SLC25A21: variants seen among roughly 807,000 people sequenced by gnomAD.
SLC25A21 encodes solute carrier family 25 member 21, also known as mitochondrial 2-oxodicarboxylate carrier.
SLC25A21 carries 47 observed loss-of-function variants against 43.8 expected under a neutral mutation model. The ratio of observed to expected loss-of-function variants is 1.07; its 90% CI spans 0.85 to 1.37. The LOEUF is 1.37. SLC25A21 is among the 40% of genes most tolerant of loss of function. The pLI is 0.00. For missense variants in SLC25A21, 352 were observed against 350.2 expected (o/e 1.00, Z -0.04); for synonymous variants, 131 against 121.3 (o/e 1.08, Z -0.52).
chr14:36,848,921 C>T (rs1393000188), intron 2 of SLC25A21, among the ~76,000 whole-genome samples: 1 of 152,106 alleles, frequency 6.6e-6, no homozygotes, highest in African/African-American at 2.4e-5. Flanking sequence ...GTTTTTGCAA[C>T]CTGATAAAAT....
chr14:37,170,359 T>C (rs1432916753), intron 1 of SLC25A21, among the ~76,000 whole-genome samples: 1 of 152,152 alleles, frequency 6.6e-6, no homozygotes, highest in African/African-American at 2.4e-5. Context: ...TTAACATTCT[T>C]TGAGTTTAGC....
Position 36,678,573 on chromosome 14 carries a change from G to A in SLC25A21, c.*2085C>T. On this transcript the variant is annotated 3_prime_UTR_variant, in exon 10 of 10. Coordinates refer to ENST00000331299, the MANE Select transcript of SLC25A21 (RefSeq NM_030631.4). ...CTTCTTTAAAACCATACCATACAGG[G>A]ACTCTCCTGTCATCTGAAAAACTGA... The A allele has an allele frequency of 6.5e-7, 1 of 1,529,298 alleles. No individual in the cohort carries two copies. 94.7% of individuals were successfully genotyped at this position (1,529,298 alleles called of 1,614,324 possible). A position where few individuals can be genotyped will look rare whatever the true frequency, so the allele number is the denominator to read the frequency against.
At chr14:36,865,629 T>C (rs1451177517) in intron 2 of SLC25A21, among the ~76,000 whole-genome samples, 2 of 152,182 alleles carry the variant, frequency 1.3e-5, no homozygotes, top group Non-Finnish European at 2.9e-5. Context: ...TACATGACTT[T>C]TTACAAAACT....
At chr14:36,728,924 G>C (rs1884707505) in intron 5 of SLC25A21, among the ~76,000 whole-genome samples, 1 of 152,312 alleles carries the variant, frequency 6.6e-6, no homozygotes, top group South Asian at 2.1e-4. Context: ...AAGCAGCAAA[G>C]TCACCAAAAA....
intron 1 of SLC25A21, among the ~76,000 whole-genome samples, chr14:36,882,584 G>T (rs954484556): frequency 6.6e-6 from 1 of 152,066 alleles, no homozygotes; most frequent in Middle Eastern, 3.4e-3. Flanking sequence ...TTTACTCACT[G>T]AATAAATTAC....
chr14:36,745,667 C>T (rs1296385877), intron 3 of SLC25A21, among the ~76,000 whole-genome samples: 1 of 152,108 alleles, frequency 6.6e-6, no homozygotes, highest in Non-Finnish European at 1.5e-5. Flanking sequence ...TGTTCATATC[C>T]TTTGCCTACT....
chr14:36,922,236 T>C (rs1487921078), intron 1 of SLC25A21, among the ~76,000 whole-genome samples: 1 of 151,684 alleles, frequency 6.6e-6, no homozygotes, highest in Non-Finnish European at 1.5e-5. Flanking sequence ...CCTTCCACCA[T>C]AAACAACTAG....
rs1036074369 is a variant in SLC25A21 at position 37,135,862 on chromosome 14, GT to G, written c.70+36418del. Among the ~76,000 whole-genome samples the G allele has an allele frequency of 3.6e-4, 55 of 152,160 alleles. 3 individuals carry two copies. Among genetic ancestry groups the G allele is most frequent in the Non-Finnish European group, 4.4e-5 (3 of 68,022 alleles). ...CCTAATTAAATGAAATTGTTGGTAG[GT>G]CCCATAAAACCTGGTTCTGCTCTTA... On this transcript the variant is annotated intron_variant, in intron 1 of 9. Coordinates refer to ENST00000331299, the MANE Select transcript of SLC25A21 (RefSeq NM_030631.4).
chr14:36,886,870 A>G (rs1399755750), intron 1 of SLC25A21, among the ~76,000 whole-genome samples: 2 of 152,178 alleles, frequency 1.3e-5, no homozygotes, highest in Admixed American at 6.6e-5. Flanking sequence ...TTAGACCCCA[A>G]GCAAGCTCCA....
At chr14:36,764,079 A>AGAAAGAAAGAAAGAAAGAAAGAAGGAAG (rs1555326615) in intron 3 of SLC25A21, among the ~76,000 whole-genome samples, 3 of 41,864 alleles carry the variant, frequency 7.2e-5, no homozygotes, top group African/African-American at 2.0e-4. Context: ...AAAGAAAGAA[A>AGAAAGAAAGAAAGAAAGAAAGAAGGAAG]GAAGGAAGGA....
At chr14:36,719,121 G>A (rs962302185) in intron 6 of SLC25A21, among the ~76,000 whole-genome samples, 6 of 152,164 alleles carry the variant, frequency 3.9e-5, no homozygotes, top group Non-Finnish European at 7.4e-5. Context: ...GGAAAACTGG[G>A]AAACAATTCA....
chr14:37,147,648 TTA>T (rs1963689327), intron 1 of SLC25A21, among the ~76,000 whole-genome samples: 1 of 134,870 alleles, frequency 7.4e-6, no homozygotes, highest in African/African-American at 3.0e-5. Flanking sequence ...TTTTTTTTTT[TTA>T]AAAAAAAGGA....
intron 2 of SLC25A21, among the ~76,000 whole-genome samples, chr14:36,831,963 T>C (rs527816588): frequency 1.3e-5 from 2 of 152,346 alleles, no homozygotes; most frequent in African/African-American, 4.8e-5. Context: ...GTTCCAAGTA[T>C]AAAATTTTAG....
At chr14:36,751,569 G>C (rs1359114075) in intron 3 of SLC25A21, among the ~76,000 whole-genome samples, 1 of 152,180 alleles carries the variant, frequency 6.6e-6, no homozygotes. Context: ...GCCACTAACT[G>C]TCTGGGGCTC....
intron 1 of SLC25A21, among the ~76,000 whole-genome samples, chr14:36,958,612 G>A (rs181262520): frequency 5.3e-5 from 8 of 151,974 alleles, no homozygotes; most frequent in Admixed American, 5.2e-4. Flanking sequence ...ATGGGAGACT[G>A]GCAATCTCCT....
chr14:37,102,290 A>T (rs1032891436), intron 1 of SLC25A21, among the ~76,000 whole-genome samples: 3 of 152,036 alleles, frequency 2.0e-5, no homozygotes, highest in South Asian at 2.1e-4. Flanking sequence ...AAAATACAAT[A>T]AAAAAAGCCA....
At chr14:36,746,038 C>A (rs760113940) in intron 3 of SLC25A21, among the ~76,000 whole-genome samples, 124 of 152,190 alleles carry the variant, frequency 8.1e-4, no homozygotes, top group Admixed American at 1.6e-3. Flanking sequence ...CTATGGAAAA[C>A]AGGATGGAGA....
intron 1 of SLC25A21, among the ~76,000 whole-genome samples, chr14:36,973,408 C>T (rs1959798530): frequency 6.6e-6 from 1 of 152,072 alleles, no homozygotes; most frequent in South Asian, 2.1e-4. Context: ...GTGTGGTGGC[C>T]AGTTACATAT....
chr14:36,869,412 ATT>A (rs148135743), intron 2 of SLC25A21, among the ~76,000 whole-genome samples: 66,394 of 151,558 alleles, frequency 0.44, 15,843 homozygotes, highest in Non-Finnish European at 0.52. Flanking sequence ...TTTTTGCAAG[ATT>A]TCGGATGGAG....
Sources: allele counts gnomAD v4.1 joint callset (sites outside exome capture counted in the v4.1 genomes callset), GRCh38; gene constraint gnomAD v4.1.1; transcripts MANE v1.5; gene names NCBI Gene and HGNC (gene_info 2026-07-23, HGNC 2026-07-21).